IMPG2: variants seen among roughly 807,000 people sequenced by gnomAD.
IMPG2 encodes interphotoreceptor matrix proteoglycan 2.
Under a neutral mutation model 129.2 loss-of-function variants are expected in IMPG2, and 91 were observed. That is an observed-to-expected ratio of 0.70 (90% CI 0.59 to 0.84). The LOEUF (loss-of-function observed/expected upper bound fraction) is 0.84, where lower values mean the gene tolerates loss of function less well. IMPG2 is among the 40% of genes least tolerant of loss of function. The probability of loss-of-function intolerance (pLI) is 0.00; values close to 1 mark genes in which losing one functional copy is unlikely to be tolerated. For missense variants in IMPG2, 1,430 were observed against 1,461.7 expected (o/e 0.98, Z 0.35); for synonymous variants, 510 against 517.7 (o/e 0.99, Z 0.20).
chr3:101,318,560 A>T (rs1428741209), intron 2 of IMPG2, among the ~76,000 whole-genome samples: 2 of 152,184 alleles, frequency 1.3e-5, no homozygotes, highest in Non-Finnish European at 2.9e-5. Flanking sequence ...GAAGGGAAGG[A>T]CAGGAAGAGG....
chr3:101,291,880 A>G (rs964687026), intron 3 of IMPG2, among the ~76,000 whole-genome samples: 32 of 152,224 alleles, frequency 2.1e-4, no homozygotes, highest in African/African-American at 7.7e-4. Context: ...ATTTATAGTA[A>G]TTCTCATCCT....
intron 9 of IMPG2, among the ~76,000 whole-genome samples, chr3:101,262,060 C>G (rs1576755463): frequency 6.6e-6 from 1 of 152,108 alleles, no homozygotes; most frequent in South Asian, 2.1e-4. Flanking sequence ...CCTCAGATGC[C>G]CTGATTGACT....
intron 3 of IMPG2, among the ~76,000 whole-genome samples, chr3:101,295,615 TG>T (rs1487999909): frequency 6.6e-5 from 10 of 152,208 alleles, no homozygotes; most frequent in African/African-American, 2.2e-4. Context: ...GGTAGTTTGA[TG>T]GGAAGAGCAT....
chr3:101,224,014 G>T lies in IMPG2; in HGVS notation c.*2955C>A, dbSNP rs1466124488. 3.9e-5 allele frequency: 6 copies of T among 152,090 alleles called. No individual in the cohort carries two copies. The highest frequency in any genetic ancestry group is 2.1e-4 in the South Asian group (1 of 4,822). 9.4% of individuals were successfully genotyped at this position (152,090 alleles called of 1,614,324 possible). A position where few individuals can be genotyped will look rare whatever the true frequency, so the allele number is the denominator to read the frequency against. ...ATAAAAATTAGCTGGGCATGGTGGT[G>T]GGTGTCTGTAACCCCAGCTACTCAG... On this transcript the variant is annotated 3_prime_UTR_variant, in exon 19 of 19. Coordinates refer to ENST00000193391, the MANE Select transcript of IMPG2 (RefSeq NM_016247.4).
At chr3:101,260,876 T>C (rs1050298803) in intron 9 of IMPG2, among the ~76,000 whole-genome samples, 1 of 152,180 alleles carries the variant, frequency 6.6e-6, no homozygotes, top group Admixed American at 6.5e-5. Flanking sequence ...CTCATAGCAG[T>C]TCAATACATA....
At chr3:101,227,655 C>A (rs1385447288) in intron 18 of IMPG2, 2 of 358,950 alleles carry the variant, frequency 5.6e-6, no homozygotes, top group South Asian at 2.2e-5. Context: ...TGAATGGATT[C>A]TCTGGTTTAA....
At chr3:101,292,650 G>T (rs149307788) in intron 3 of IMPG2, among the ~76,000 whole-genome samples, 4 of 152,230 alleles carry the variant, frequency 2.6e-5, no homozygotes, top group Admixed American at 2.6e-4. Context: ...AGACAACAAT[G>T]AATTTGGCCC....
At chr3:101,319,124 TGAA>T (rs1365101872) in intron 2 of IMPG2, among the ~76,000 whole-genome samples, 1 of 152,108 alleles carries the variant, frequency 6.6e-6, no homozygotes, top group Non-Finnish European at 1.5e-5. Context: ...TTTACTGTAA[TGAA>T]GAAGTAAAAA....
At chr3:101,283,412 T>A (rs1455400905) in intron 4 of IMPG2, among the ~76,000 whole-genome samples, 1 of 152,186 alleles carries the variant, frequency 6.6e-6, no homozygotes, top group African/African-American at 2.4e-5. Context: ...CCCCTGTAGT[T>A]TTTATTGAGT....
chr3:101,286,819 G>A (rs965584989), intron 4 of IMPG2, among the ~76,000 whole-genome samples: 40 of 152,236 alleles, frequency 2.6e-4, no homozygotes, highest in African/African-American at 9.2e-4. Flanking sequence ...AGAAAGATGG[G>A]ACAGTTTGAA....
Position 101,224,520 on chromosome 3 carries a change from A to G in IMPG2, c.*2449T>C, listed in dbSNP as rs1706200748. The G allele has an allele frequency of 1.3e-5, 2 of 152,200 alleles. No homozygotes were observed. The highest frequency in any genetic ancestry group is 4.1e-4 in the South Asian group (2 of 4,834). 9.4% of individuals were successfully genotyped at this position (152,200 alleles called of 1,614,324 possible). Reference sequence around the variant, plus strand: ...AGTGTAAATGACAGTTCAGCCTAAGACTTTTAAATGATGACATGCCATTAA... The same window carrying G: ...AGTGTAAATGACAGTTCAGCCTAAGGCTTTTAAATGATGACATGCCATTAA... On this transcript the variant is annotated 3_prime_UTR_variant, in exon 19 of 19. Coordinates refer to ENST00000193391, the MANE Select transcript of IMPG2 (RefSeq NM_016247.4).
intron 18 of IMPG2, 46 bp downstream of exon 18, chr3:101,228,751 C>G (rs772425542): frequency 1.4e-6 from 2 of 1,441,122 alleles, no homozygotes; most frequent in Non-Finnish European, 2.0e-6. Context: ...CTAGAGTAAA[C>G]TGTTAAGTCT....
rs143971119 is a variant in IMPG2 at position 101,244,654 on chromosome 3, T to C, written c.1677A>G (p.Pro559=). The C allele has an allele frequency of 2.2e-5, 36 of 1,613,718 alleles. No homozygotes were observed. The highest frequency in any genetic ancestry group is 3.3e-5 in the Admixed American group (2 of 59,962). Reference sequence around the variant, plus strand: ...CAAAAGGTATAGAAGAGGTCAGATATGGTGAAGATGTTAAGGACACATCAG... The same window carrying C: ...CAAAAGGTATAGAAGAGGTCAGATACGGTGAAGATGTTAAGGACACATCAG... The part of the protein sequence containing the change: ...EDSDVSLTSS[P]YLTSSIPFGL... The change falls in exon 13 of 19, where the codon CCA becomes CCG. Residue 559 remains proline, a synonymous_variant. Coordinates refer to ENST00000193391, the MANE Select transcript of IMPG2 (RefSeq NM_016247.4).
chr3:101,318,847 A>G (rs1386611005), intron 2 of IMPG2, among the ~76,000 whole-genome samples: 1 of 152,168 alleles, frequency 6.6e-6, no homozygotes, highest in Non-Finnish European at 1.5e-5. Flanking sequence ...TTTAGTAAAT[A>G]TATGAGAAAC....
At position 101,226,668 on chromosome 3, in the gene IMPG2, C is replaced by G. The variant is rs1019774500; in HGVS notation, c.*301G>C. On this transcript the variant is annotated 3_prime_UTR_variant, in exon 19 of 19. Transcript: ENST00000193391. ...ACACCCCCAGTGATTCAGAAGCAGA[C>G]AGCAACTGCAGCCCTAAATCCTAGG... 2.9e-6 allele frequency: 1 copy of G among 342,448 alleles called. No homozygotes were observed. Among genetic ancestry groups the G allele is most frequent in the African/African-American group, 2.1e-5 (1 of 46,950 alleles). The allele number at this position is 342,448 out of a possible 1,614,324, so 21.2% of individuals were successfully genotyped here.
chr3:101,275,533 T>C (rs2271972), intron 6 of IMPG2, 130 bp downstream of exon 6: 97,116 of 724,188 alleles, frequency 0.13, 6,763 homozygotes, highest in Middle Eastern at 0.18. Context: ...GTACTGGTTT[T>C]AGGATCCATG....
rs202029719 is a variant in IMPG2 at position 101,275,714 on chromosome 3, C to T, written c.615G>A (p.Val205=). The part of the protein sequence containing the change: ...DTTLSVPHPE[V]DAYEGASESS... ...TCTCTGAGGCACCTTCATAGGCGTC[C>T]ACCTCTGGATGTGGAACACTGAGAG... is the stretch of plus-strand genomic sequence containing the variant. The change falls in exon 6 of 19, where the codon GTG becomes GTA. Residue 205 remains valine (V), a synonymous_variant. Coordinates refer to ENST00000193391, the MANE Select transcript of IMPG2 (RefSeq NM_016247.4). 3 of 1,613,830 alleles carry T rather than the reference C, an allele frequency of 1.9e-6. No homozygotes were observed. In the African/African-American group the frequency reaches 4.0e-5, roughly 22 times the overall value.
chr3:101,287,348 T>C (rs1024734899), intron 4 of IMPG2, among the ~76,000 whole-genome samples: 1 of 152,206 alleles, frequency 6.6e-6, no homozygotes, highest in African/African-American at 2.4e-5. Flanking sequence ...GCTATTCCTA[T>C]CATACTAGCA....
In IMPG2 at chr3:101,269,580, A is replaced by G. The variant is rs930371928; in HGVS notation, c.829-7T>C. On this transcript the variant is annotated splice_region_variant and splice_polypyrimidine_tract_variant and intron_variant, in intron 7 of 18. Coordinates refer to ENST00000193391, the MANE Select transcript of IMPG2 (RefSeq NM_016247.4). ...CAGTAAATGCATTTTCAACCTGTTA[A>G]AAGTACAAATAAAAATGATAACTAT... 1.3e-6 allele frequency: 2 copies of G among 1,537,458 alleles called. No individual in the cohort carries two copies. The highest frequency in any genetic ancestry group is 1.8e-6 in the Non-Finnish European group (2 of 1,110,828).
Sources: gnomAD v4.1 joint callset for allele counts (sites outside exome capture counted in the v4.1 genomes callset) on GRCh38, gnomAD v4.1.1 for gene constraint, MANE v1.5 for transcripts, NCBI Gene and HGNC (gene_info 2026-07-23, HGNC 2026-07-21) for gene names.